Variants in BMP2K observed in about 807,000 individuals in gnomAD.
BMP2K encodes BMP2 inducible kinase, also known as BMP-2-inducible protein kinase.
Under a neutral mutation model 116.0 loss-of-function variants are expected in BMP2K, and 74 were observed. The observed-to-expected ratio is 0.64, with a 90% CI of 0.53 to 0.77. The LOEUF is 0.77. Among genes scored for constraint, BMP2K ranks in the 30% least tolerant of loss-of-function variants. The pLI is 0.00. For missense variants in BMP2K, 1,365 were observed against 1,403.6 expected, an observed-to-expected ratio of 0.97 and a Z score of 0.44; for synonymous variants, 486 against 502.5, an observed-to-expected ratio of 0.97 and a Z score of 0.44.
At chr4:78,866,527 G>A (rs1392011693) in intron 10 of BMP2K, among the ~76,000 whole-genome samples, 1 of 152,094 alleles carries the variant, frequency 6.6e-6, no homozygotes, top group African/African-American at 2.4e-5. Context: ...ATTATTGGGA[G>A]GATTAAATGG....
At chr4:78,834,179 T>A (rs1730344800) in intron 3 of BMP2K, among the ~76,000 whole-genome samples, 1 of 152,196 alleles carries the variant, frequency 6.6e-6, no homozygotes, top group African/African-American at 2.4e-5. Flanking sequence ...TATTTGGACC[T>A]AATGTGATGT....
At chr4:78,784,199 C>T (rs1727632677) in intron 1 of BMP2K, among the ~76,000 whole-genome samples, 1 of 152,168 alleles carries the variant, frequency 6.6e-6, no homozygotes, top group Non-Finnish European at 1.5e-5. Flanking sequence ...GAAGTAGTTT[C>T]ATATACATCC....
At chr4:78,860,010 TGTTA>T (rs890431107) in intron 8 of BMP2K, 16 of 533,420 alleles carry the variant, frequency 3.0e-5, no homozygotes, top group Admixed American at 1.7e-4. Context: ...TAAACAGGAC[TGTTA>T]GTTTTTTTTT....
At chr4:78,876,879 G>T (rs779028480) in intron 13 of BMP2K, among the ~76,000 whole-genome samples, 1 of 152,080 alleles carries the variant, frequency 6.6e-6, no homozygotes. Context: ...AAACTTAGAT[G>T]GTATAGCCTA....
intron 14 of BMP2K, among the ~76,000 whole-genome samples, chr4:78,885,596 C>T (rs1287954757): frequency 6.6e-6 from 1 of 152,174 alleles, no homozygotes; most frequent in Non-Finnish European, 1.5e-5. Flanking sequence ...TTCTGCCTCC[C>T]CTACACTGCA....
intron 14 of BMP2K, 131 bp downstream of exon 14, chr4:78,879,022 C>T (rs1301055048): frequency 3.4e-6 from 5 of 1,478,090 alleles, no homozygotes; most frequent in East Asian, 2.4e-5. Flanking sequence ...AAATTCAGGC[C>T]ATCTTCTTAT....
At position 78,803,158 on chromosome 4, in the gene BMP2K, T is replaced by TA. The variant is rs556524874; in HGVS notation, c.179-22877dup. ...AGCCACCACACTGGGCCAGAGTTTA[T>TA]AATCTTGATAATTGTTAAAGTGACT... is the stretch of plus-strand genomic sequence containing the variant. On this transcript the variant is annotated intron_variant, in intron 1 of 15. Transcript: ENST00000502613. Among the ~76,000 whole-genome samples the TA allele has an allele frequency of 5.3e-5, 8 of 152,192 alleles. No individual in the cohort carries two copies. The East Asian group carries it at 1.2e-3, about 22-fold the overall frequency.
At chr4:78,782,085 T>C (rs1435558169) in intron 1 of BMP2K, among the ~76,000 whole-genome samples, 1 of 152,246 alleles carries the variant, frequency 6.6e-6, no homozygotes, top group East Asian at 1.9e-4. Flanking sequence ...GTGAATACTC[T>C]TTGCGCCTGG....
intron 1 of BMP2K, among the ~76,000 whole-genome samples, chr4:78,794,943 G>A (rs1053336863): frequency 2.6e-5 from 4 of 152,204 alleles, no homozygotes; most frequent in African/African-American, 7.2e-5. Context: ...GCATTGGAGG[G>A]TATGTAAATT....
intron 7 of BMP2K, among the ~76,000 whole-genome samples, chr4:78,854,879 T>C (rs374537988): frequency 5.3e-5 from 8 of 152,164 alleles, no homozygotes; most frequent in South Asian, 2.1e-4. Flanking sequence ...ATGGCCAATC[T>C]TGTTTCCTCT....
intron 1 of BMP2K, among the ~76,000 whole-genome samples, chr4:78,823,538 TTATA>T (rs567586126): frequency 6.8e-6 from 1 of 147,736 alleles, no homozygotes; most frequent in Non-Finnish European, 1.5e-5. Context: ...ATATATATGG[TTATA>T]TATATAGTTA....
At position 78,844,864 on chromosome 4, in the gene BMP2K, AAG is replaced by A. The variant is rs981666504; in HGVS notation, c.547-62_547-61del. On this transcript the variant is annotated intron_variant, in intron 4 of 15. Coordinates refer to ENST00000502613, the MANE Select transcript of BMP2K (RefSeq NM_198892.2). ...TATGTACAAATAACCATTTTTTACA[AAG>A]ATTGTAAAAAGTTAATTTTCACTTT... 3.3e-5 allele frequency: 47 copies of A among 1,422,528 alleles called. No homozygotes were observed. In the Admixed American group the frequency reaches 6.6e-4, roughly 20 times the overall value. 88.1% of individuals were successfully genotyped at this position (1,422,528 alleles called of 1,614,324 possible).
At chr4:78,781,887 C>T (rs1560496832) in intron 1 of BMP2K, among the ~76,000 whole-genome samples, 1 of 152,042 alleles carries the variant, frequency 6.6e-6, no homozygotes. Context: ...GAAGAAGGTG[C>T]TAGAGAGGTA....
rs192993107 is a variant in BMP2K, at chr4:78,784,658, A to G, written c.178+7937A>G. Among the ~76,000 whole-genome samples, 282 of 151,862 alleles carry G rather than the reference A, an allele frequency of 1.9e-3. 2 individuals are homozygous for G. The highest frequency in any genetic ancestry group is 6.8e-3 in the Middle Eastern group (2 of 294). The stretch of plus-strand genomic sequence containing the variant: ...TCTTGTAGAATTGCAGTAACATTAG[A>G]GGCATTTTGCAGTAAGTATTATTTT... On this transcript the variant is annotated intron_variant, in intron 1 of 15. Coordinates refer to ENST00000502613, the MANE Select transcript of BMP2K (RefSeq NM_198892.2).
chr4:78,793,996 G>T (rs1057099413), intron 1 of BMP2K, among the ~76,000 whole-genome samples: 24 of 152,144 alleles, frequency 1.6e-4, no homozygotes, highest in African/African-American at 5.8e-4. Context: ...GCACTTTGCA[G>T]TTGGGGTTAT....
At position 78,807,278 on chromosome 4, in the gene BMP2K, T is replaced by A. The variant is rs908363931; in HGVS notation, c.179-18759T>A. Among the ~76,000 whole-genome samples, 9 of 152,350 alleles carry A rather than the reference T, an allele frequency of 5.9e-5. No individual in the cohort carries two copies. The East Asian group carries it at 1.5e-3, about 26-fold the overall frequency. ...TTTGGATGCTGAACCAACCTTGCAT[T>A]CCTGGGGTAAATCTCACTTGGTCAT... On this transcript the variant is annotated intron_variant, in intron 1 of 15. Transcript: ENST00000502613.
intron 13 of BMP2K, 122 bp from the exon 14 acceptor site, chr4:78,878,612 T>C: frequency 1.2e-6 from 1 of 812,298 alleles, no homozygotes; most frequent in Non-Finnish European, 1.9e-6. Flanking sequence ...CTGTCATCTC[T>C]GTCATAAGGA....
chr4:78,781,714 A>G (rs1407907876), intron 1 of BMP2K, among the ~76,000 whole-genome samples: 1 of 152,140 alleles, frequency 6.6e-6, no homozygotes, highest in African/African-American at 2.4e-5. Flanking sequence ...TGTTCATTGT[A>G]AACATTCAGA....
chr4:78,896,883 G>A (rs1487381199), intron 15 of BMP2K, among the ~76,000 whole-genome samples: 1 of 152,116 alleles, frequency 6.6e-6, no homozygotes, highest in Non-Finnish European at 1.5e-5. Context: ...CCAAGAGCAT[G>A]TACATTTACA....
Sources: gnomAD v4.1 joint callset for allele counts (sites outside exome capture counted in the v4.1 genomes callset) on GRCh38, gnomAD v4.1.1 for gene constraint, MANE v1.5 for transcripts, NCBI Gene and HGNC (gene_info 2026-07-23, HGNC 2026-07-21) for gene names.